The following CRYBG2 variants were observed in gnomAD, a reference collection of about 807,000 sequenced individuals.
CRYBG2 encodes the protein crystallin beta-gamma domain containing 2, also known as beta/gamma crystallin domain-containing protein 2.
Under a neutral mutation model 153.4 loss-of-function variants are expected in CRYBG2, and 106 were observed. The observed-to-expected ratio is 0.69, with a 90% CI of 0.59 to 0.81. The LOEUF is 0.81. CRYBG2 is among the 30% of genes least tolerant of loss of function. CRYBG2 has a pLI of 0.00. For synonymous variants in CRYBG2, 851 were observed against 877.8 expected (o/e 0.97, Z 0.54); for missense variants, 1,996 against 2,112.0 (o/e 0.95, Z 1.08).
chr1:26,343,821 C>T lies in CRYBG2; in HGVS notation c.2837G>A (p.Gly946Glu), dbSNP rs377176392. The part of the protein sequence containing the change: ...HGAPGLRKVP[G>E]QLPLLCSERS... ...TTCACTGCAAAGCAGGGGCAACTGT[C>T]CTGGCACCTTCCTGAGCCCCGGTGC... is the stretch of plus-strand genomic sequence containing the variant. The change falls in exon 2 of 20, where the codon GGA (glycine) becomes GAA (glutamate). Residue 946 changes from glycine (G) to glutamate (E), a missense_variant. Physicochemically the swap from Gly to Glu is moderately conservative, Grantham distance 98. Coordinates refer to ENST00000308182, the MANE Select transcript of CRYBG2 (RefSeq NM_001039775.4). This position sits in a 1 kb window ranked among gnomAD's most constrained non-coding sequence, Gnocchi z 4.1. 43 of 1,465,532 alleles carry T rather than the reference C, an allele frequency of 2.9e-5. 1 individual carries two copies. The East Asian group carries it at 6.5e-4, about 22-fold the overall frequency. 90.8% of individuals were successfully genotyped at this position (1,465,532 alleles called of 1,614,324 possible). A position where few individuals can be genotyped will look rare whatever the true frequency, so the allele number is the denominator to read the frequency against.
intron 15 of CRYBG2, among the ~76,000 whole-genome samples, chr1:26,330,594 G>A (rs973077124): frequency 2.9e-5 from 4 of 140,126 alleles, no homozygotes; most frequent in South Asian, 4.5e-4. Context: ...GCTGGAGTAC[G>A]GTGGCGTTAT....
intron 5 of CRYBG2, among the ~76,000 whole-genome samples, chr1:26,341,206 T>C (rs552796368): frequency 3.3e-4 from 50 of 151,666 alleles, no homozygotes; most frequent in Admixed American, 1.7e-3. Flanking sequence ...CCGGGCATAG[T>C]GGCAGGTGCC....
At chr1:26,328,376 C>A (rs1322577453) in intron 16 of CRYBG2, 44 bp from the exon 17 acceptor site, 4 of 1,549,020 alleles carry the variant, frequency 2.6e-6, no homozygotes, top group Non-Finnish European at 3.5e-6. Flanking sequence ...AGCACAGACA[C>A]ACAGACAGAC....
chr1:26,341,404 C>T (rs140629347), intron 5 of CRYBG2, among the ~76,000 whole-genome samples: 1 of 152,110 alleles, frequency 6.6e-6, no homozygotes, highest in Non-Finnish European at 1.5e-5. Flanking sequence ...ACTGCTTTTA[C>T]AGTCATTGCT....
In CRYBG2 at chr1:26,346,738, G is replaced by T. The variant is rs151035734; in HGVS notation, c.-55-26C>A. On this transcript the variant is annotated intron_variant, in intron 1 of 19. Coordinates refer to ENST00000308182, the MANE Select transcript of CRYBG2 (RefSeq NM_001039775.4). The surrounding 1 kb of genome is among the most constrained non-coding windows in gnomAD (Gnocchi z 4.9). ...CTGCAGAGGAATAAGAAAGATGAGG[G>T]TCAGAGGGTGGTGAGAGTGGCTTCC... The T allele has an allele frequency of 8.3e-5, 116 of 1,405,400 alleles. No homozygotes were observed. The African/African-American group carries it at 1.4e-3, about 17-fold the overall frequency. The allele number at this position is 1,405,400 out of a possible 1,614,324, so 87.1% of individuals were successfully genotyped here. A position where few individuals can be genotyped will look rare whatever the true frequency, so the allele number is the denominator to read the frequency against.
Position 26,336,838 on chromosome 1 carries a change from T to TAA in CRYBG2, c.3911+2_3911+3insTT. On this transcript the variant is annotated splice_region_variant and intron_variant, in intron 11 of 19. Coordinates refer to ENST00000308182, the MANE Select transcript of CRYBG2 (RefSeq NM_001039775.4). The surrounding 1 kb of genome is among the most constrained non-coding windows in gnomAD (Gnocchi z 4.9). The stretch of plus-strand genomic sequence containing the variant: ...CCCCGCTCCCGGAGCCCGGGTCACT[T>TAA]ACACGCCGCTGAGCACGTGGATGGC... 6.3e-7 allele frequency: 1 copy of TAA among 1,588,358 alleles called. No individual in the cohort carries two copies. Among genetic ancestry groups the TAA allele is most frequent in the Non-Finnish European group, 8.6e-7 (1 of 1,168,758 alleles).
chr1:26,326,959 A>G, intron 17 of CRYBG2: 1 of 496,510 alleles, frequency 2.0e-6, no homozygotes, highest in Non-Finnish European at 4.0e-6. Flanking sequence ...TGGCAGGATC[A>G]AGCCTGCTTT....
In CRYBG2 at chr1:26,331,637, T is replaced by TG; in HGVS notation, c.4185-20dup. The TG allele has an allele frequency of 6.2e-7, 1 of 1,612,404 alleles. No individual in the cohort carries two copies. The highest frequency in any genetic ancestry group is 8.5e-7 in the Non-Finnish European group (1 of 1,179,756). On this transcript the variant is annotated intron_variant, in intron 14 of 19. Transcript: ENST00000308182. ...GATCCAGCTAGGGAAGGGGAAGAAA[T>TG]GGAGGGTATCTGAGCCTACCTGTCC... is the stretch of plus-strand genomic sequence containing the variant.
rs1220529915 is a variant in CRYBG2 at position 26,346,994 on chromosome 1, A to AT, written c.-55-283_-55-282insA. Among the ~76,000 whole-genome samples the AT allele has an allele frequency of 2.6e-5, 4 of 152,320 alleles. No individual in the cohort carries two copies. The East Asian group carries it at 7.7e-4, about 29-fold the overall frequency. ...CCTGAGCCCAGAAGGAGAGAAAAGG[A>AT]AGAAGGCAGAAGGGAAGATGCAGCT... On this transcript the variant is annotated intron_variant, in intron 1 of 19. Transcript: ENST00000308182. This position sits in a 1 kb window ranked among gnomAD's most constrained non-coding sequence, Gnocchi z 4.9.
In CRYBG2 at chr1:26,336,975, G is replaced by C; in HGVS notation, c.3777C>G (p.Phe1259Leu). ...LTSLRVIRTD[F>L]GDPAVVLFEA... ...CAAATAGCACGACGGCCGGGTCCCC[G>C]AAGTCCTGGGTCCCCAGGGACAGTC... Residue 1259 changes from phenylalanine to leucine, a missense_variant, in exon 11 of 20, where the codon TTC (phenylalanine) becomes TTG (leucine). Physicochemically the swap from Phe to Leu is conservative, Grantham distance 22. Coordinates refer to ENST00000308182, the MANE Select transcript of CRYBG2 (RefSeq NM_001039775.4). The surrounding 1 kb of genome is among the most constrained non-coding windows in gnomAD (Gnocchi z 4.9). The C allele has an allele frequency of 6.2e-7, 1 of 1,613,506 alleles. No individual in the cohort carries two copies. Among genetic ancestry groups the C allele is most frequent in the Non-Finnish European group, 8.5e-7 (1 of 1,179,850 alleles).
Position 26,343,974 on chromosome 1 carries a change from T to C in CRYBG2, c.2684A>G (p.Gln895Arg). Residue 895 changes from glutamine to arginine, a missense_variant, in exon 2 of 20, where the codon CAG (glutamine) becomes CGG (arginine). Physicochemically the swap from Gln to Arg is conservative, Grantham distance 43 (BLOSUM62 1). Coordinates refer to ENST00000308182, the MANE Select transcript of CRYBG2 (RefSeq NM_001039775.4). This position sits in a 1 kb window ranked among gnomAD's most constrained non-coding sequence, Gnocchi z 4.1. Reference sequence around the variant, plus strand: ...ACGGGAAGTGGGCCTGCTGCCTCCCTGCAGTTCCAATCCCAGCTCTGAGTG... The same window carrying C: ...ACGGGAAGTGGGCCTGCTGCCTCCCCGCAGTTCCAATCCCAGCTCTGAGTG... ...GPHSELGLEL[Q>R]GGSRPTSRLG... 1 of 1,537,172 alleles carries C rather than the reference T, an allele frequency of 6.5e-7. No homozygotes were observed. The highest frequency in any genetic ancestry group is 1.4e-5 in the African/African-American group (1 of 73,182).
chr1:26,347,708 T>C (rs975046079), intron 1 of CRYBG2, among the ~76,000 whole-genome samples: 2 of 152,054 alleles, frequency 1.3e-5, no homozygotes, highest in African/African-American at 4.8e-5. Flanking sequence ...GCCAGGATGG[T>C]CTTGATCTCC....
At chr1:26,326,823 G>A (rs777679470) in intron 17 of CRYBG2, 16 of 516,924 alleles carry the variant, frequency 3.1e-5, no homozygotes, top group Non-Finnish European at 5.8e-5. Flanking sequence ...AAATCTGCAT[G>A]TGGCGTGTGC....
Position 26,322,203 on chromosome 1 carries a change from A to T in CRYBG2, c.4858T>A (p.Cys1620Ser). The change falls in exon 19 of 20, where the codon TGC becomes AGC. Residue 1620 changes from cysteine (C) to serine (S), a missense_variant. Physicochemically the swap from Cys to Ser is moderately radical, Grantham distance 112 (BLOSUM62 -1). Transcript: ENST00000308182. ...ATCTGGCCTTCGAACATCTGGCTGCAGATGTGGCCCGATTCACTGATGCTC... is the reference window on the plus strand; with the variant it reads ...ATCTGGCCTTCGAACATCTGGCTGCTGATGTGGCCCGATTCACTGATGCTC... Reference protein sequence around the residue: ...TWSISESGHICSQMFEGQILD... With the variant: ...TWSISESGHISSQMFEGQILD... 2 of 1,614,164 alleles carry T rather than the reference A, an allele frequency of 1.2e-6. No individual in the cohort carries two copies. The highest frequency in any genetic ancestry group is 1.7e-6 in the Non-Finnish European group (2 of 1,179,982).
chr1:26,339,133 C>T lies in CRYBG2; in HGVS notation c.3344+157G>A, dbSNP rs866972896. On this transcript the variant is annotated intron_variant, in intron 6 of 19. Coordinates refer to ENST00000308182, the MANE Select transcript of CRYBG2 (RefSeq NM_001039775.4). ...ATGGTGTTTTTCTGTGCTCCCTCACCCCAAAACACTGAATTGCTATTGTCT... is the reference window on the plus strand; with the variant it reads ...ATGGTGTTTTTCTGTGCTCCCTCACTCCAAAACACTGAATTGCTATTGTCT... 7.2e-5 allele frequency among the ~76,000 whole-genome samples: 11 copies of T among 152,318 alleles called. No homozygotes were observed. The Middle Eastern group carries it at 0.01, about 141-fold the overall frequency.
At chr1:26,349,181 T>TA (rs1442813211) in intron 1 of CRYBG2, among the ~76,000 whole-genome samples, 11 of 151,640 alleles carry the variant, frequency 7.3e-5, no homozygotes, top group Non-Finnish European at 1.2e-4. Flanking sequence ...AATTAAAATT[T>TA]TAAAAAAAAA....
chr1:26,347,027 AG>A (rs1177400317), intron 1 of CRYBG2, among the ~76,000 whole-genome samples: 4 of 152,192 alleles, frequency 2.6e-5, no homozygotes, highest in African/African-American at 9.7e-5. Flanking sequence ...GCTGACCCAC[AG>A]GTCTATAGGG....
intron 17 of CRYBG2, among the ~76,000 whole-genome samples, chr1:26,327,780 C>T (rs1398853219): frequency 1.3e-5 from 2 of 151,936 alleles, no homozygotes; most frequent in Non-Finnish European, 2.9e-5. Context: ...AACCCTGCCT[C>T]TACTAAAAAT....
At chr1:26,347,386 T>C (rs1570213927) in intron 1 of CRYBG2, among the ~76,000 whole-genome samples, 1 of 148,512 alleles carries the variant, frequency 6.7e-6, no homozygotes, top group South Asian at 2.2e-4. Flanking sequence ...CTTGAACTCC[T>C]GGGCTCAAGT....
Sources: gnomAD v4.1 joint callset for allele counts (sites outside exome capture counted in the v4.1 genomes callset) on GRCh38, gnomAD v4.1.1 for gene constraint, Gnocchi (gnomAD v3.1) non-coding constraint, MANE v1.5 for transcripts, NCBI Gene and HGNC (gene_info 2026-07-23, HGNC 2026-07-21) for gene names.